COMMD1: variants seen among roughly 807,000 people sequenced by gnomAD.
COMMD1 encodes the protein COMM domain-containing protein 1.
COMMD1 carries 10 observed loss-of-function variants against 17.2 expected under a neutral mutation model. The observed-to-expected ratio is 0.58, with a 90% CI of 0.36 to 0.99. COMMD1 has a LOEUF of 0.99. Ranked by LOEUF, COMMD1 falls within the 50% of genes least tolerant of loss-of-function variation. COMMD1 has a pLI of 0.01. For synonymous variants in COMMD1, 97 were observed against 91.6 expected (o/e 1.06, Z -0.34); for missense variants, 270 against 231.8 (o/e 1.17, Z -1.07).
chr2:62,087,678 C>T (rs1000451337), intron 2 of COMMD1, among the ~76,000 whole-genome samples: 2 of 152,118 alleles, frequency 1.3e-5, no homozygotes, highest in African/African-American at 2.4e-5. Context: ...ACCAGGGAGA[C>T]GGAAATTGGA....
At position 61,956,034 on chromosome 2, in the gene COMMD1, C is replaced by T. The variant is rs375869058; in HGVS notation, c.181-44667C>T. On this transcript the variant is annotated intron_variant, in intron 1 of 2. Transcript: ENST00000311832. Reference sequence around the variant, plus strand: ...TATTACTGTTTTTACATATAAAGCACGGGTATATGTAGCACATAAACAGAT... The same window carrying T: ...TATTACTGTTTTTACATATAAAGCATGGGTATATGTAGCACATAAACAGAT... Among the ~76,000 whole-genome samples the T allele has an allele frequency of 1.5e-4, 23 of 152,216 alleles. No homozygotes were observed. The East Asian group carries it at 2.5e-3, about 17-fold the overall frequency.
chr2:61,939,970 A>G (rs1211390443), intron 1 of COMMD1, among the ~76,000 whole-genome samples: 2 of 152,200 alleles, frequency 1.3e-5, no homozygotes. Flanking sequence ...TGTGTAAACC[A>G]TTTTAATTTT....
At chr2:62,073,997 A>G (rs1671270466) in intron 2 of COMMD1, among the ~76,000 whole-genome samples, 1 of 152,184 alleles carries the variant, frequency 6.6e-6, no homozygotes, top group African/African-American at 2.4e-5. Flanking sequence ...GTGCTAAGCT[A>G]GAATAAACAT....
chr2:62,119,492 A>G (rs1352590232), intron 2 of COMMD1, among the ~76,000 whole-genome samples: 1 of 152,162 alleles, frequency 6.6e-6, no homozygotes, highest in Non-Finnish European at 1.5e-5. Context: ...ACAAAATCCA[A>G]AACTTTTTTT....
chr2:61,897,451 A>G (rs1486284896), intron 1 of COMMD1, among the ~76,000 whole-genome samples: 1 of 152,186 alleles, frequency 6.6e-6, no homozygotes, highest in Non-Finnish European at 1.5e-5. Flanking sequence ...GGAAGGGGAA[A>G]GATTTTTCCT....
Position 62,129,084 on chromosome 2 carries a change from C to T in COMMD1, c.463-6747C>T, listed in dbSNP as rs773209354. Among the ~76,000 whole-genome samples the T allele has an allele frequency of 1.5e-4, 23 of 152,082 alleles. 1 individual carries two copies. Among genetic ancestry groups the T allele is most frequent in the Non-Finnish European group, 1.6e-4 (11 of 68,030 alleles). On this transcript the variant is annotated intron_variant, in intron 2 of 2. Coordinates refer to ENST00000311832, the MANE Select transcript of COMMD1 (RefSeq NM_152516.4). ...AGGCATGATGACAGGCCTTGCTCTG[C>T]TCAACCTTGGAGTTTGTATTTGGTG...
intron 2 of COMMD1, among the ~76,000 whole-genome samples, chr2:62,086,417 A>G (rs919873750): frequency 1.6e-4 from 24 of 151,216 alleles, no homozygotes; most frequent in African/African-American, 5.8e-4. Context: ...AGGCTGAGGC[A>G]GGAGAATCGC....
At chr2:61,923,582 T>C (rs1558522960) in intron 1 of COMMD1, among the ~76,000 whole-genome samples, 1 of 151,902 alleles carries the variant, frequency 6.6e-6, no homozygotes, top group Non-Finnish European at 1.5e-5. Context: ...CATGTAAGTA[T>C]AGAAATGTGT....
chr2:61,905,298 T>C (rs906649373), upstream of COMMD1, among the ~76,000 whole-genome samples: 4 of 152,224 alleles, frequency 2.6e-5, no homozygotes, highest in African/African-American at 7.2e-5. Flanking sequence ...GAGTGATCGA[T>C]CCTATTCAGT....
intron 1 of COMMD1, among the ~76,000 whole-genome samples, chr2:61,955,887 G>A (rs577783068): frequency 2.1e-4 from 32 of 152,156 alleles, no homozygotes; most frequent in African/African-American, 7.0e-4. Context: ...GGGTTTCACC[G>A]TGTTAGCCAG....
chr2:61,993,788 C>T (rs1668660959), intron 1 of COMMD1, among the ~76,000 whole-genome samples: 2 of 152,138 alleles, frequency 1.3e-5, no homozygotes, highest in African/African-American at 4.8e-5. Context: ...ATATTATTGA[C>T]TGGAACCCAA....
rs1315124775 is a variant in COMMD1 at position 62,003,504 on chromosome 2, G to A, written c.462+2522G>A. ...TGCAGTGAGCCGAGATTGTGCCACC[G>A]CACTCCAGCCTGGGCGACAGAGTGA... is the stretch of plus-strand genomic sequence containing the variant. On this transcript the variant is annotated intron_variant, in intron 2 of 2. Transcript: ENST00000311832. Among the ~76,000 whole-genome samples the A allele has an allele frequency of 4.6e-5, 7 of 150,736 alleles. No homozygotes were observed. The East Asian group carries it at 1.2e-3, about 25-fold the overall frequency.
upstream of COMMD1, among the ~76,000 whole-genome samples, chr2:61,901,008 G>T (rs577730709): frequency 6.6e-6 from 1 of 152,004 alleles, no homozygotes; most frequent in Non-Finnish European, 1.5e-5. Flanking sequence ...GTGCAGTGGC[G>T]TGATCTCGGC....
intron 2 of COMMD1, among the ~76,000 whole-genome samples, chr2:62,019,082 CTT>C (rs1491551080): frequency 2.4e-5 from 3 of 124,814 alleles, no homozygotes; most frequent in African/African-American, 6.1e-5. Context: ...TTCTCTCTCT[CTT>C]TCTTTCTCTC....
chr2:61,951,840 C>T (rs758754244), intron 1 of COMMD1, among the ~76,000 whole-genome samples: 7 of 152,150 alleles, frequency 4.6e-5, no homozygotes, highest in Admixed American at 6.5e-5. Flanking sequence ...CTTTTTGTCA[C>T]TGTAGATTTG....
chr2:62,042,644 C>T (rs565788100), intron 2 of COMMD1, among the ~76,000 whole-genome samples: 28 of 152,306 alleles, frequency 1.8e-4, no homozygotes, highest in African/African-American at 6.5e-4. Flanking sequence ...CCGGCTCTGG[C>T]CTCAGCCAGC....
upstream of COMMD1, among the ~76,000 whole-genome samples, chr2:61,903,443 C>CA (rs773444105): frequency 7.1e-3 from 777 of 109,944 alleles, 3 homozygotes; most frequent in East Asian, 0.013. Context: ...AACTTTGTCT[C>CA]AAAAAAAAAA....
intron 1 of COMMD1, among the ~76,000 whole-genome samples, chr2:61,931,884 A>C (rs551791372): frequency 6.6e-6 from 1 of 152,208 alleles, no homozygotes; most frequent in African/African-American, 2.4e-5. Flanking sequence ...AGCTTTGAGG[A>C]ATGAGAATTT....
chr2:62,045,455 A>G (rs1314822247), intron 2 of COMMD1, among the ~76,000 whole-genome samples: 1 of 151,912 alleles, frequency 6.6e-6, no homozygotes. Flanking sequence ...CCATAATCCT[A>G]TTCTTGTGGC....
Sources: gnomAD v4.1 joint callset for allele counts (sites outside exome capture counted in the v4.1 genomes callset) on GRCh38, gnomAD v4.1.1 for gene constraint, MANE v1.5 for transcripts, NCBI Gene and HGNC (gene_info 2026-07-23, HGNC 2026-07-21) for gene names.